Variants in LRRC4C observed in about 807,000 individuals in gnomAD.
The protein encoded by LRRC4C is leucine rich repeat containing 4C, also known as leucine-rich repeat-containing protein 4C.
LRRC4C carries 5 observed loss-of-function variants against 33.6 expected under a neutral mutation model. That is an observed-to-expected ratio of 0.15 (90% CI 0.08 to 0.31). LRRC4C has a LOEUF of 0.31. Among genes scored for constraint, LRRC4C ranks in the 10% least tolerant of loss-of-function variants. The probability of loss-of-function intolerance (pLI) is 1.00; values close to 1 mark genes in which losing one functional copy is unlikely to be tolerated. For missense variants in LRRC4C, 560 were observed against 796.7 expected, an observed-to-expected ratio of 0.70 and a Z score of 3.58; for synonymous variants, 329 against 302.0, an observed-to-expected ratio of 1.09 and a Z score of -0.93.
At chr11:41,032,931 C>A (rs761891278) in intron 1 of LRRC4C, among the ~76,000 whole-genome samples, 7 of 152,028 alleles carry the variant, frequency 4.6e-5, no homozygotes, top group Non-Finnish European at 8.8e-5. Context: ...TAAAAAGCAT[C>A]ATTTTCATTA....
chr11:40,566,651 T>C (rs978338450), intron 3 of LRRC4C, among the ~76,000 whole-genome samples: 1 of 152,128 alleles, frequency 6.6e-6, no homozygotes, highest in Non-Finnish European at 1.5e-5. Context: ...CTTGATATAT[T>C]TTGTTTCCTC....
intron 2 of LRRC4C, among the ~76,000 whole-genome samples, chr11:40,761,882 T>G (rs1334887933): frequency 6.6e-6 from 1 of 152,154 alleles, no homozygotes; most frequent in Non-Finnish European, 1.5e-5. Flanking sequence ...TGCAGAAACA[T>G]GTCTATTTTT....
chr11:40,606,796 A>C (rs1414286967), intron 3 of LRRC4C, among the ~76,000 whole-genome samples: 2 of 152,124 alleles, frequency 1.3e-5, no homozygotes, highest in Non-Finnish European at 2.9e-5. Flanking sequence ...TATTTTGAAA[A>C]ATTAATGGCT....
rs370574515 is a variant in LRRC4C at position 41,411,142 on chromosome 11, A to ATTTTTTTTTTTTTTTTTTTTTTTTT, written c.-496+48288_-496+48289insAAAAAAAAAAAAAAAAAAAAAAAAA. On this transcript the variant is annotated intron_variant, in intron 1 of 6. Coordinates refer to ENST00000528697, the MANE Select transcript of LRRC4C (RefSeq NM_001258419.2). ...ATGAGAAACACTTGGTTGGTACCCT[A>ATTTTTTTTTTTTTTTTTTTTTTTTT]TTTTTTTTTTTTTTTTTTTTTTTTG... Among the ~76,000 whole-genome samples, 157 of 57,186 alleles carry ATTTTTTTTTTTTTTTTTTTTTTTTT rather than the reference A, an allele frequency of 2.7e-3. 10 individuals carry two copies. Among genetic ancestry groups the ATTTTTTTTTTTTTTTTTTTTTTTTT allele is most frequent in the East Asian group, 6.8e-3 (11 of 1,626 alleles). 37.5% of individuals were successfully genotyped at this position (57,186 alleles called of 152,430 possible).
intron 2 of LRRC4C, among the ~76,000 whole-genome samples, chr11:40,837,628 C>A (rs988345095): frequency 6.8e-6 from 1 of 147,868 alleles, no homozygotes; most frequent in Admixed American, 6.9e-5. Flanking sequence ...TCACTAGAGA[C>A]CAGGTGTTTG....
intron 3 of LRRC4C, among the ~76,000 whole-genome samples, chr11:40,545,814 G>A (rs568781534): frequency 6.6e-6 from 1 of 151,786 alleles, no homozygotes; most frequent in Non-Finnish European, 1.5e-5. Flanking sequence ...AATAATTCAG[G>A]GTTCACCTAG....
chr11:41,374,996 A>T (rs955009857), intron 1 of LRRC4C, among the ~76,000 whole-genome samples: 1 of 151,926 alleles, frequency 6.6e-6, no homozygotes, highest in African/African-American at 2.4e-5. Context: ...GCGTGATGGC[A>T]TGCATCTATG....
intron 3 of LRRC4C, among the ~76,000 whole-genome samples, chr11:40,574,429 T>C (rs1958102086): frequency 6.6e-6 from 1 of 152,158 alleles, no homozygotes; most frequent in South Asian, 2.1e-4. Context: ...CCAATGTTTC[T>C]AAATACATCT....
intron 3 of LRRC4C, among the ~76,000 whole-genome samples, chr11:40,377,631 G>A (rs897767542): frequency 2.0e-5 from 3 of 152,012 alleles, no homozygotes; most frequent in Admixed American, 2.0e-4. Flanking sequence ...CTGCATTGAG[G>A]TAGCCTACAG....
chr11:40,946,704 C>T (rs1958418229), intron 1 of LRRC4C, among the ~76,000 whole-genome samples: 1 of 152,088 alleles, frequency 6.6e-6, no homozygotes, highest in Admixed American at 6.6e-5. Context: ...GTTAATGATG[C>T]CATCAAGGGA....
intron 3 of LRRC4C, among the ~76,000 whole-genome samples, chr11:40,503,520 C>A (rs1261712170): frequency 6.6e-6 from 1 of 152,102 alleles, no homozygotes; most frequent in Non-Finnish European, 1.5e-5. Flanking sequence ...ATTGTCTATG[C>A]ACATTCTTAG....
At chr11:40,172,022 A>G (rs964937315) in intron 5 of LRRC4C, among the ~76,000 whole-genome samples, 1 of 151,908 alleles carries the variant, frequency 6.6e-6, no homozygotes, top group Non-Finnish European at 1.5e-5. Context: ...GTCTCCAAAC[A>G]AAAAAAAGGA....
At chr11:40,188,579 T>G in intron 5 of LRRC4C, among the ~76,000 whole-genome samples, 1 of 152,148 alleles carries the variant, frequency 6.6e-6, no homozygotes, top group East Asian at 1.9e-4. Flanking sequence ...TTTCAAAAGG[T>G]TTGAACAAAA....
chr11:40,320,123 C>T (rs1945768717), intron 3 of LRRC4C, among the ~76,000 whole-genome samples: 2 of 152,086 alleles, frequency 1.3e-5, no homozygotes, highest in African/African-American at 4.8e-5. Context: ...AGACTTCCTG[C>T]TCTTACTTCT....
At chr11:41,066,166 T>C (rs1220810022) in intron 1 of LRRC4C, among the ~76,000 whole-genome samples, 1 of 152,004 alleles carries the variant, frequency 6.6e-6, no homozygotes, top group Non-Finnish European at 1.5e-5. Context: ...GCTAAGAACA[T>C]TGATAAAAGG....
intron 1 of LRRC4C, among the ~76,000 whole-genome samples, chr11:41,286,160 A>T (rs1346909323): frequency 1.3e-5 from 2 of 152,240 alleles, no homozygotes; most frequent in East Asian, 3.9e-4. Flanking sequence ...AAGAGGCACA[A>T]CTTCAAGAAA....
At chr11:40,423,545 C>T (rs1279555020) in intron 3 of LRRC4C, among the ~76,000 whole-genome samples, 1 of 151,662 alleles carries the variant, frequency 6.6e-6, no homozygotes, top group East Asian at 1.9e-4. Flanking sequence ...GGGGTTTCAC[C>T]GTGTTAGCCA....
intron 2 of LRRC4C, among the ~76,000 whole-genome samples, chr11:40,894,989 T>A (rs1330766719): frequency 6.6e-6 from 1 of 152,190 alleles, no homozygotes; most frequent in Non-Finnish European, 1.5e-5. Context: ...CTCTTTTTTG[T>A]AAAGTATAAT....
At chr11:40,940,297 G>T (rs781608867) in intron 1 of LRRC4C, among the ~76,000 whole-genome samples, 1 of 152,046 alleles carries the variant, frequency 6.6e-6, no homozygotes, top group South Asian at 2.1e-4. Flanking sequence ...AACAAGTTTA[G>T]AATAGTATAT....
Sources: gnomAD v4.1 joint callset for allele counts (sites outside exome capture counted in the v4.1 genomes callset) on GRCh38, gnomAD v4.1.1 for gene constraint, MANE v1.5 for transcripts, NCBI Gene and HGNC (gene_info 2026-07-23, HGNC 2026-07-21) for gene names.